RYR3: variants seen among roughly 807,000 people sequenced by gnomAD.
The protein encoded by RYR3 is ryanodine receptor 3, also known as brain ryanodine receptor-calcium release channel.
RYR3 carries 207 observed loss-of-function variants against 584.3 expected under a neutral mutation model. That is an observed-to-expected ratio of 0.35 (90% CI 0.32 to 0.40). The LOEUF is 0.40. RYR3 is among the 10% of genes least tolerant of loss of function. The pLI, the probability that RYR3 is intolerant of heterozygous loss-of-function variation, is 1.00. For synonymous variants in RYR3, 2,416 were observed against 2,248.5 expected (o/e 1.07, Z -2.11); for missense variants, 5,616 against 6,089.2 (o/e 0.92, Z 2.59).
At chr15:33,542,375 A>G (rs1386280491) in intron 7 of RYR3, among the ~76,000 whole-genome samples, 2 of 152,166 alleles carry the variant, frequency 1.3e-5, no homozygotes, top group Non-Finnish European at 2.9e-5. Flanking sequence ...GAGATGAACG[A>G]GAGCTTAATC....
At chr15:33,398,382 G>A (rs1251828403) in intron 1 of RYR3, among the ~76,000 whole-genome samples, 1 of 152,156 alleles carries the variant, frequency 6.6e-6, no homozygotes, top group Non-Finnish European at 1.5e-5. Flanking sequence ...TTACTCTAAA[G>A]AACATAAACA....
At chr15:33,405,414 A>G (rs776475672) in intron 1 of RYR3, among the ~76,000 whole-genome samples, 2 of 152,188 alleles carry the variant, frequency 1.3e-5, no homozygotes, top group Non-Finnish European at 2.9e-5. Flanking sequence ...CCAAGATTCT[A>G]GGCTGCTAGC....
At chr15:33,766,144 G>T (rs371318890) in intron 60 of RYR3, among the ~76,000 whole-genome samples, 1 of 151,800 alleles carries the variant, frequency 6.6e-6, no homozygotes, top group Non-Finnish European at 1.5e-5. Flanking sequence ...ATAGCTGGGC[G>T]TGGTGGCACG....
chr15:33,706,685 G>T lies in RYR3; in HGVS notation c.6484-234G>T, dbSNP rs1006019276. 3.9e-5 allele frequency among the ~76,000 whole-genome samples: 6 copies of T among 152,184 alleles called. No homozygotes were observed. In the East Asian group the frequency reaches 1.2e-3, roughly 29 times the overall value. ...CACATTTTAGCTTTCAATTATTTGG[G>T]GGTATATACCCAGAAGTGAAATTGC... is the stretch of plus-strand genomic sequence containing the variant. On this transcript the variant is annotated intron_variant, in intron 42 of 103. Coordinates refer to ENST00000634891, the MANE Select transcript of RYR3 (RefSeq NM_001036.6).
intron 68 of RYR3, 125 bp from the exon 69 acceptor site, chr15:33,801,744 C>T (rs367833316): frequency 4.9e-6 from 3 of 615,352 alleles, no homozygotes; most frequent in East Asian, 2.8e-5. Flanking sequence ...TAGTTTTTCA[C>T]GTGTCTTTGG....
At chr15:33,816,733 G>A in intron 74 of RYR3, 129 bp from the exon 75 acceptor site, 2 of 583,724 alleles carry the variant, frequency 3.4e-6, no homozygotes, top group Non-Finnish European at 6.3e-6. Context: ...TATGCTACTG[G>A]CTACCCTGAC....
chr15:33,663,393 T>C (rs1022575553), intron 35 of RYR3, 144 bp from the exon 36 acceptor site: 4 of 673,918 alleles, frequency 5.9e-6, no homozygotes, highest in Non-Finnish European at 1.0e-5. Flanking sequence ...TTCGACTTAA[T>C]GGTGAAGATT....
chr15:33,595,278 A>T (rs2059315899), intron 16 of RYR3, among the ~76,000 whole-genome samples: 1 of 152,242 alleles, frequency 6.6e-6, no homozygotes, highest in Non-Finnish European at 1.5e-5. Flanking sequence ...TAATAGAAAC[A>T]GCATGAAGTC....
chr15:33,668,428 G>T (rs572440939), intron 36 of RYR3, among the ~76,000 whole-genome samples: 1 of 152,254 alleles, frequency 6.6e-6, no homozygotes, highest in South Asian at 2.1e-4. Context: ...AAATCTAGAG[G>T]TGTCCAAAGC....
chr15:33,537,993 CTTTTT>C (rs934826045), intron 5 of RYR3, among the ~76,000 whole-genome samples: 1 of 150,262 alleles, frequency 6.7e-6, no homozygotes, highest in East Asian at 2.0e-4. Context: ...CTTTTCTTTT[CTTTTT>C]TTTTCCAGGA....
At chr15:33,805,768 C>T (rs1250975509) in intron 69 of RYR3, among the ~76,000 whole-genome samples, 2 of 152,136 alleles carry the variant, frequency 1.3e-5, no homozygotes, top group Admixed American at 6.5e-5. Context: ...TGAGCCACCA[C>T]ACCCGGCCTT....
At chr15:33,463,979 G>T (rs58504398) in intron 1 of RYR3, among the ~76,000 whole-genome samples, 3,380 of 152,180 alleles carry the variant, frequency 0.022, 131 homozygotes, top group African/African-American at 0.077. Context: ...TTTTTTGGGG[G>T]TTTACTACTT....
At chr15:33,406,930 C>G (rs2043061797) in intron 1 of RYR3, among the ~76,000 whole-genome samples, 1 of 152,154 alleles carries the variant, frequency 6.6e-6, no homozygotes, top group Non-Finnish European at 1.5e-5. Flanking sequence ...ACAAACTATG[C>G]AATTTATAAA....
chr15:33,583,474 A>G (rs542583496), intron 14 of RYR3, among the ~76,000 whole-genome samples: 4 of 152,292 alleles, frequency 2.6e-5, no homozygotes, highest in Admixed American at 2.6e-4. Flanking sequence ...TACCTTATGC[A>G]TTTATTGTCT....
chr15:33,532,399 A>G (rs2054958673), intron 4 of RYR3, among the ~76,000 whole-genome samples: 1 of 152,150 alleles, frequency 6.6e-6, no homozygotes, highest in African/African-American at 2.4e-5. Context: ...TCCCATGGTC[A>G]TGGGAAGGTC....
chr15:33,427,002 CCT>C (rs1255204580), intron 1 of RYR3, among the ~76,000 whole-genome samples: 1 of 152,152 alleles, frequency 6.6e-6, no homozygotes, highest in Admixed American at 6.5e-5. Context: ...CCCAAAAGCC[CCT>C]CCTCCAAATG....
At chr15:33,374,900 C>T (rs1430992203) in intron 1 of RYR3, among the ~76,000 whole-genome samples, 1 of 152,118 alleles carries the variant, frequency 6.6e-6, no homozygotes, top group Admixed American at 6.5e-5. Flanking sequence ...AATTGGTGCT[C>T]CTTGCTTCTA....
At position 33,836,287 on chromosome 15, in the gene RYR3, T is replaced by C. The variant is rs541118266; in HGVS notation, c.11569-619T>C. On this transcript the variant is annotated intron_variant, in intron 87 of 103. Coordinates refer to ENST00000634891, the MANE Select transcript of RYR3 (RefSeq NM_001036.6). ...CCCACCTCAGATCTTCCAAGAATTGTTTCCTACTGTGACATAGGGTATAAG... is the reference window on the plus strand; with the variant it reads ...CCCACCTCAGATCTTCCAAGAATTGCTTCCTACTGTGACATAGGGTATAAG... 5.3e-5 allele frequency among the ~76,000 whole-genome samples: 8 copies of C among 152,162 alleles called. No homozygotes were observed. In the South Asian group the frequency reaches 1.7e-3, roughly 32 times the overall value.
At chr15:33,632,332 A>G (rs1287775150) in intron 23 of RYR3, among the ~76,000 whole-genome samples, 2 of 152,220 alleles carry the variant, frequency 1.3e-5, no homozygotes, top group African/African-American at 2.4e-5. Flanking sequence ...AGTCTTCTGC[A>G]TTTACACGAT....
Sources: gnomAD v4.1 joint callset for allele counts (sites outside exome capture counted in the v4.1 genomes callset) on GRCh38, gnomAD v4.1.1 for gene constraint, MANE v1.5 for transcripts, NCBI Gene and HGNC (gene_info 2026-07-23, HGNC 2026-07-21) for gene names.